ERCC6: variants seen among roughly 807,000 people sequenced by gnomAD.
The protein encoded by ERCC6 is ERCC excision repair 6, chromatin remodeling factor.
Under a neutral mutation model 158.7 loss-of-function variants are expected in ERCC6, and 116 were observed. That is an observed-to-expected ratio of 0.73 (90% confidence interval 0.63 to 0.85). The LOEUF (loss-of-function observed/expected upper bound fraction) is 0.85, where lower values mean the gene tolerates loss of function less well. Ranked by LOEUF, ERCC6 falls within the 40% of genes least tolerant of loss-of-function variation. The probability of loss-of-function intolerance (pLI) is 0.00; values close to 1 mark genes in which losing one functional copy is unlikely to be tolerated. For synonymous variants in ERCC6, 678 were observed against 659.3 expected, an observed-to-expected ratio of 1.03 and a Z score of -0.43; for missense variants, 1,698 against 1,799.4, an observed-to-expected ratio of 0.94 and a Z score of 1.02.
At chr10:49,520,411 G>T (rs555780821) in intron 5 of ERCC6, among the ~76,000 whole-genome samples, 5 of 152,260 alleles carry the variant, frequency 3.3e-5, no homozygotes, top group African/African-American at 9.6e-5. Context: ...GTAAGAACTT[G>T]GGGGAATGAG....
intron 8 of ERCC6, among the ~76,000 whole-genome samples, chr10:49,486,806 C>T (rs1398168474): frequency 3.3e-5 from 5 of 152,158 alleles, no homozygotes; most frequent in Non-Finnish European, 7.3e-5. Flanking sequence ...GGACTAGATC[C>T]TATTACTGAA....
chr10:49,485,840 A>G (rs1449167445), intron 8 of ERCC6, among the ~76,000 whole-genome samples: 1 of 152,226 alleles, frequency 6.6e-6, no homozygotes, highest in East Asian at 1.9e-4. Flanking sequence ...ACCAGGTTTC[A>G]AACTAAACCT....
intron 6 of ERCC6, chr10:49,503,565 C>A (rs1175029021): frequency 6.6e-6 from 1 of 152,110 alleles, no homozygotes; most frequent in Admixed American, 6.6e-5. Flanking sequence ...AAGCACTAGC[C>A]ACACAGCTGG....
rs753232818 is a variant in ERCC6, at chr10:49,528,407, G to A, written c.652+10C>T. ...CAAGAACACAGAGAAACTGCTCCTAGCATCCTCACCTGCATCCTCCTCCAG... is the reference window on the plus strand; with the variant it reads ...CAAGAACACAGAGAAACTGCTCCTAACATCCTCACCTGCATCCTCCTCCAG... On this transcript the variant is annotated intron_variant, in intron 4 of 20. Coordinates refer to ENST00000355832, the MANE Select transcript of ERCC6 (RefSeq NM_000124.4). The A allele has an allele frequency of 1.2e-6, 2 of 1,613,998 alleles. No individual in the cohort carries two copies. The highest frequency in any genetic ancestry group is 1.7e-6 in the Non-Finnish European group (2 of 1,179,916).
intron 5 of ERCC6, chr10:49,506,271 A>C (rs1851440767): frequency 2.0e-6 from 1 of 500,702 alleles, no homozygotes; most frequent in East Asian, 3.7e-5. Flanking sequence ...TATCAAAACT[A>C]CTTGCTCCTC....
intron 5 of ERCC6, among the ~76,000 whole-genome samples, chr10:49,514,717 C>T (rs566754675): frequency 1.3e-5 from 2 of 152,300 alleles, no homozygotes; most frequent in South Asian, 2.1e-4. Context: ...AACAGAGGCA[C>T]AATGAGTACA....
rs1474544191 is a variant in ERCC6, at chr10:49,470,246, G to C, written c.3714C>G (p.Asn1238Lys). ...TGCTCTGTTCCTTGGCCTCACTCTTGTTTTCACTGTCTTGCTTCTGGTAAC... is the reference window on the plus strand; with the variant it reads ...TGCTCTGTTCCTTGGCCTCACTCTTCTTTTCACTGTCTTGCTTCTGGTAAC... Reference protein sequence around the residue: ...KRRYQKQDSENKSEAKEQSND... With the variant: ...KRRYQKQDSEKKSEAKEQSND... The change falls in exon 18 of 21, where the codon AAC (asparagine) becomes AAG (lysine). Residue 1238 changes from asparagine to lysine, a missense_variant. Transcript: ENST00000355832. 2 of 1,614,056 alleles carry C rather than the reference G, an allele frequency of 1.2e-6. No homozygotes were observed. The highest frequency in any genetic ancestry group is 1.7e-5 in the Admixed American group (1 of 60,014).
At chr10:49,451,547 A>C (rs544068405), downstream of ERCC6, among the ~76,000 whole-genome samples, 1 of 152,268 alleles carries the variant, frequency 6.6e-6, no homozygotes, top group African/African-American at 2.4e-5. Context: ...TGACTTTTTT[A>C]TTATATTGAT....
chr10:49,470,064 A>G (rs1850744956), intron 18 of ERCC6, 118 bp downstream of exon 18: 5 of 920,546 alleles, frequency 5.4e-6, no homozygotes, highest in Non-Finnish European at 5.3e-6. Context: ...TTTTTGAAGA[A>G]AAACACTAAT....
chr10:49,514,293 GC>G (rs1162579241), intron 5 of ERCC6, among the ~76,000 whole-genome samples: 2 of 152,116 alleles, frequency 1.3e-5, no homozygotes, highest in African/African-American at 2.4e-5. Context: ...AATCAGTTTA[GC>G]AGTTCTTTGA....
chr10:49,488,579 A>C (rs1311508288), intron 8 of ERCC6, among the ~76,000 whole-genome samples: 2 of 151,980 alleles, frequency 1.3e-5, no homozygotes, highest in Non-Finnish European at 2.9e-5. Context: ...ATTCTATTAT[A>C]ATTTGTGTAC....
chr10:49,446,169 C>A, the ERCC6 span, among the ~76,000 whole-genome samples: 6 of 151,922 alleles, frequency 3.9e-5, 1 homozygote, highest in South Asian at 8.3e-4. Context: ...CATACAAAAA[C>A]CATGCTGGTG....
intron 5 of ERCC6, 96 bp downstream of exon 5, chr10:49,523,937 T>C: frequency 5.2e-6 from 8 of 1,551,964 alleles, no homozygotes; most frequent in Non-Finnish European, 7.0e-6. Context: ...GGGGGTCTAA[T>C]ATATTAAGCT....
intron 5 of ERCC6, chr10:49,515,722 T>A (rs1482143130): frequency 6.2e-7 from 1 of 1,614,212 alleles, no homozygotes; most frequent in Admixed American, 1.7e-5. Context: ...TCATCAGCTC[T>A]GTCTACGCCT....
rs201935629 is a variant in ERCC6, at chr10:49,506,005, T to C, written c.1405A>G (p.Asn469Asp). ...TCTTTGTCCTGCAGTCTCAGTTTAT[T>C]CCATCTCCTACCATGAAAATAAAAA... ...DYYKQRLRRWNKLRLQDKEKR... is the reference protein window; with the variant it reads ...DYYKQRLRRWDKLRLQDKEKR... Residue 469 changes from asparagine (N) to aspartate (D), a missense_variant, in exon 6 of 21, where the codon AAT becomes GAT. Transcript: ENST00000355832. 6.2e-7 allele frequency: 1 copy of C among 1,613,228 alleles called. No individual in the cohort carries two copies. The highest frequency in any genetic ancestry group is 8.5e-7 in the Non-Finnish European group (1 of 1,179,446).
chr10:49,437,677 T>C, the ERCC6 span, among the ~76,000 whole-genome samples: 5 of 152,134 alleles, frequency 3.3e-5, no homozygotes, highest in Admixed American at 1.3e-4. Context: ...CTGCCAAGAA[T>C]TCTGGCTTAT....
chr10:49,531,388 C>T (rs1252212663), intron 2 of ERCC6, among the ~76,000 whole-genome samples: 1 of 152,148 alleles, frequency 6.6e-6, no homozygotes, highest in African/African-American at 2.4e-5. Flanking sequence ...CTAAAATAGA[C>T]ACCATAGAAT....
rs1836984816 is a variant in ERCC6, at chr10:49,516,829, C to G, written c.1397+7204G>C. On this transcript the variant is annotated intron_variant, in intron 5 of 20. Coordinates refer to ENST00000355832, the MANE Select transcript of ERCC6 (RefSeq NM_000124.4). ...CTCCTTGATGGTGGAGGTTGCTGCA[C>G]AGTAAACGTAGATGGAACTTCATCA... is the stretch of plus-strand genomic sequence containing the variant. The G allele has an allele frequency of 3.1e-6, 5 of 1,614,126 alleles. No individual in the cohort carries two copies. The East Asian group carries it at 1.1e-4, about 36-fold the overall frequency.
Position 49,493,116 on chromosome 10 carries a change from C to T in ERCC6, c.1821+1G>A, listed in dbSNP as rs1228919836. Reference sequence around the variant, plus strand: ...AAAAAGGTACTGAAATATTGTGTTACCTTTTTGTGGGTATAGGAACCGGTT... The same window carrying T: ...AAAAAGGTACTGAAATATTGTGTTATCTTTTTGTGGGTATAGGAACCGGTT... On this transcript the variant is annotated splice_donor_variant, in intron 8 of 20. Transcript: ENST00000355832. LOFTEE classifies it high-confidence loss of function. The T allele has an allele frequency of 5.0e-6, 8 of 1,613,904 alleles. No individual in the cohort carries two copies. The highest frequency in any genetic ancestry group is 5.9e-6 in the Non-Finnish European group (7 of 1,179,964).
Sources: gnomAD v4.1 joint callset for allele counts (sites outside exome capture counted in the v4.1 genomes callset) on GRCh38, gnomAD v4.1.1 for gene constraint, MANE v1.5 for transcripts, NCBI Gene and HGNC (gene_info 2026-07-23, HGNC 2026-07-21) for gene names.